Variants in SDCCAG8 observed in about 807,000 individuals in gnomAD.
SDCCAG8 encodes serologically defined colon cancer antigen 8.
Under a neutral mutation model 101.8 loss-of-function variants are expected in SDCCAG8, and 74 were observed. That is an observed-to-expected ratio of 0.73 (90% CI 0.60 to 0.88). SDCCAG8 has a LOEUF of 0.88. SDCCAG8 is among the 40% of genes least tolerant of loss of function. SDCCAG8 has a pLI of 0.00. For missense variants in SDCCAG8, 787 were observed against 822.6 expected, an observed-to-expected ratio of 0.96 and a Z score of 0.53; for synonymous variants, 281 against 292.9, an observed-to-expected ratio of 0.96 and a Z score of 0.41.
intron 6 of SDCCAG8, among the ~76,000 whole-genome samples, chr1:243,294,696 T>TGCCCC (rs796839957): frequency 1.6e-5 from 1 of 62,230 alleles, no homozygotes; most frequent in Non-Finnish European, 2.9e-5. Context: ...CTTTCTAAAT[T>TGCCCC]CCCCCCCCCC....
At position 243,386,000 on chromosome 1, in the gene SDCCAG8, G is replaced by A. The variant is rs1313216024; in HGVS notation, c.1616+7137G>A. On this transcript the variant is annotated intron_variant, in intron 13 of 17. Coordinates refer to ENST00000366541, the MANE Select transcript of SDCCAG8 (RefSeq NM_006642.5). The stretch of plus-strand genomic sequence containing the variant: ...CACCACCACCAACAACAATATATTC[G>A]TCTTAGTATCTGCGTGGTACCACGC... Among the ~76,000 whole-genome samples the A allele has an allele frequency of 2.0e-5, 3 of 152,126 alleles. No homozygotes were observed. In the East Asian group the frequency reaches 5.8e-4, roughly 29 times the overall value.
intron 16 of SDCCAG8, chr1:243,476,111 A>T (rs1662367712): frequency 1.0e-6 from 1 of 985,256 alleles, no homozygotes; most frequent in Admixed American, 6.2e-5. Flanking sequence ...TGAATGATTT[A>T]TTGCTCTTTG....
chr1:243,448,698 T>C (rs1409696021), intron 16 of SDCCAG8, among the ~76,000 whole-genome samples: 2 of 152,004 alleles, frequency 1.3e-5, no homozygotes, highest in Admixed American at 1.3e-4. Context: ...TTTGCTCAAA[T>C]GTACAGGACA....
intron 10 of SDCCAG8, among the ~76,000 whole-genome samples, chr1:243,337,745 C>T (rs2636319): frequency 9.9e-5 from 15 of 151,674 alleles, no homozygotes; most frequent in African/African-American, 3.1e-4. Flanking sequence ...GAAAGAGAGA[C>T]GGAGCCTTCT....
At chr1:243,469,275 A>G (rs1660753582) in intron 16 of SDCCAG8, among the ~76,000 whole-genome samples, 1 of 152,100 alleles carries the variant, frequency 6.6e-6, no homozygotes, top group Non-Finnish European at 1.5e-5. Context: ...TTTTTTGTTA[A>G]AATGTATGAT....
intron 12 of SDCCAG8, among the ~76,000 whole-genome samples, chr1:243,367,521 A>G (rs2077052247): frequency 1.3e-5 from 2 of 151,984 alleles, no homozygotes; most frequent in Admixed American, 1.3e-4. Context: ...GTACCTTTAC[A>G]CTGGTGACTT....
At chr1:243,426,189 A>G (rs886887666) in intron 15 of SDCCAG8, among the ~76,000 whole-genome samples, 7 of 150,812 alleles carry the variant, frequency 4.6e-5, no homozygotes, top group African/African-American at 1.7e-4. Flanking sequence ...TGTTTGTCTT[A>G]TTCCTTAGGG....
At chr1:243,499,033 T>C (rs1362066551) in intron 17 of SDCCAG8, among the ~76,000 whole-genome samples, 1 of 152,204 alleles carries the variant, frequency 6.6e-6, no homozygotes, top group Non-Finnish European at 1.5e-5. Flanking sequence ...AGTGGAAACA[T>C]TTCCAGTGGC....
At chr1:243,302,436 T>C (rs1001288122) in intron 6 of SDCCAG8, among the ~76,000 whole-genome samples, 1 of 152,168 alleles carries the variant, frequency 6.6e-6, no homozygotes, top group East Asian at 1.9e-4. Context: ...CTCTACTGTT[T>C]CGTGCAAATG....
Position 243,378,712 on chromosome 1 carries a change from C to T in SDCCAG8, c.1474-9C>T. 1.2e-6 allele frequency: 2 copies of T among 1,613,604 alleles called. No homozygotes were observed. Among genetic ancestry groups the T allele is most frequent in the Non-Finnish European group, 1.7e-6 (2 of 1,179,624 alleles). ...ATATGGATGCTTTTTCCCCTTCTCT[C>T]TACCTAAGGAAATAGAGAAATTGAG... On this transcript the variant is annotated splice_polypyrimidine_tract_variant and intron_variant, in intron 12 of 17. Coordinates refer to ENST00000366541, the MANE Select transcript of SDCCAG8 (RefSeq NM_006642.5).
chr1:243,300,959 TA>T, intron 6 of SDCCAG8, among the ~76,000 whole-genome samples: 1 of 152,238 alleles, frequency 6.6e-6, no homozygotes, highest in East Asian at 1.9e-4. Flanking sequence ...AGCTTAGAAA[TA>T]TGAAAAAATT....
At chr1:243,453,731 A>G (rs927453780) in intron 16 of SDCCAG8, among the ~76,000 whole-genome samples, 15 of 152,224 alleles carry the variant, frequency 9.9e-5, no homozygotes, top group African/African-American at 3.1e-4. Context: ...AAAATCAGGT[A>G]ATTCAGCCAG....
chr1:243,277,746 CCTTT>C (rs1402424734), intron 4 of SDCCAG8, among the ~76,000 whole-genome samples: 1 of 152,028 alleles, frequency 6.6e-6, no homozygotes, highest in Non-Finnish European at 1.5e-5. Flanking sequence ...TATATTTTCT[CCTTT>C]CTTCTTCTAG....
intron 5 of SDCCAG8, among the ~76,000 whole-genome samples, chr1:243,291,929 A>T (rs1331010090): frequency 6.6e-6 from 1 of 152,172 alleles, no homozygotes; most frequent in Admixed American, 6.5e-5. Flanking sequence ...ATCCCTTCCT[A>T]ATGTGTGATA....
At chr1:243,448,778 T>A (rs1442656155) in intron 16 of SDCCAG8, among the ~76,000 whole-genome samples, 1 of 152,238 alleles carries the variant, frequency 6.6e-6, no homozygotes, top group Non-Finnish European at 1.5e-5. Context: ...CATACTCTGG[T>A]CATCTTTGTA....
At chr1:243,381,318 A>G (rs2077937261) in intron 13 of SDCCAG8, among the ~76,000 whole-genome samples, 1 of 152,136 alleles carries the variant, frequency 6.6e-6, no homozygotes, top group Non-Finnish European at 1.5e-5. Flanking sequence ...GGCCAGGCGC[A>G]GTGCTCACAC....
intron 16 of SDCCAG8, among the ~76,000 whole-genome samples, chr1:243,451,919 A>G (rs1011164683): frequency 6.6e-6 from 1 of 152,194 alleles, no homozygotes; most frequent in African/African-American, 2.4e-5. Flanking sequence ...GTAGAGCCAG[A>G]CTTTGTCTCA....
rs1572974110 is a variant in SDCCAG8, at chr1:243,286,262, T to C, written c.421-10T>C. Reference sequence around the variant, plus strand: ...ATAATGCTTAATGTGTTTGGTTTTGTTTATTATAGGAGGAACTCTCTGGAA... The same window carrying C: ...ATAATGCTTAATGTGTTTGGTTTTGCTTATTATAGGAGGAACTCTCTGGAA... On this transcript the variant is annotated splice_polypyrimidine_tract_variant and intron_variant, in intron 4 of 17. Transcript: ENST00000366541. The C allele has an allele frequency of 6.2e-7, 1 of 1,613,562 alleles. No homozygotes were observed. The highest frequency in any genetic ancestry group is 1.7e-4 in the Middle Eastern group (1 of 6,060).
At chr1:243,354,615 G>A (rs1193626941) in intron 12 of SDCCAG8, among the ~76,000 whole-genome samples, 2 of 152,104 alleles carry the variant, frequency 1.3e-5, no homozygotes, top group South Asian at 2.1e-4. Flanking sequence ...AAATCTCTTC[G>A]GCCAGAGTTT....
Sources: gnomAD v4.1 joint callset for allele counts (sites outside exome capture counted in the v4.1 genomes callset) on GRCh38, gnomAD v4.1.1 for gene constraint, MANE v1.5 for transcripts, NCBI Gene and HGNC (gene_info 2026-07-23, HGNC 2026-07-21) for gene names.